The following TNRC6C variants were observed in gnomAD, a reference collection of about 807,000 sequenced individuals.
The protein encoded by TNRC6C is trinucleotide repeat-containing gene 6C protein.
TNRC6C carries 20 observed loss-of-function variants against 153.7 expected under a neutral mutation model. That is an observed-to-expected ratio of 0.13 (90% CI 0.09 to 0.19). The LOEUF is 0.19. Among genes scored for constraint, TNRC6C ranks in the 10% least tolerant of loss-of-function variants. The pLI is 1.00. For synonymous variants in TNRC6C, 811 were observed against 841.4 expected (o/e 0.96, Z 0.63); for missense variants, 1,987 against 2,172.0 (o/e 0.91, Z 1.69).
In TNRC6C at chr17:77,963,397, A is replaced by G. The variant is rs150265112; in HGVS notation, c.-38+4129A>G. 3.2e-3 allele frequency among the ~76,000 whole-genome samples: 488 copies of G among 152,332 alleles called. 2 individuals are homozygous for G. The highest frequency in any genetic ancestry group is 0.011 in the African/African-American group (475 of 41,560). ...AAAGTAAATTATGTAATTTTAAAAA[A>G]TCTCCACCTGGGATATATATAACAA... On this transcript the variant is annotated intron_variant, in intron 1 of 22. Coordinates refer to the TNRC6C transcript ENST00000636222.
intron 1 of TNRC6C, among the ~76,000 whole-genome samples, chr17:77,990,598 C>T (rs983371933): frequency 1.3e-5 from 2 of 152,142 alleles, no homozygotes; most frequent in African/African-American, 4.8e-5. Flanking sequence ...ACCTCCTGAC[C>T]AGCCAGAATC....
chr17:78,023,158 A>T (rs1472812526), intron 1 of TNRC6C, among the ~76,000 whole-genome samples: 5 of 152,188 alleles, frequency 3.3e-5, no homozygotes, highest in Non-Finnish European at 7.3e-5. Flanking sequence ...AACATAACGT[A>T]TGCGGGAGGA....
At chr17:78,072,281 C>T (rs1184713048) in intron 6 of TNRC6C, among the ~76,000 whole-genome samples, 1 of 152,178 alleles carries the variant, frequency 6.6e-6, no homozygotes, top group Non-Finnish European at 1.5e-5. Flanking sequence ...TTCAGTCATC[C>T]CCTGAGATTA....
intron 11 of TNRC6C, among the ~76,000 whole-genome samples, chr17:78,085,649 G>C (rs981228397): frequency 2.6e-5 from 4 of 152,144 alleles, no homozygotes; most frequent in African/African-American, 7.2e-5. Context: ...TGACAAGTTT[G>C]TGTGACAAAA....
At chr17:78,086,367 G>C (rs2073289929) in intron 11 of TNRC6C, 136 bp from the exon 14 acceptor site, 1 of 337,726 alleles carries the variant, frequency 3.0e-6, no homozygotes, top group Non-Finnish European at 5.8e-6. Context: ...AAAACAGTAT[G>C]TGTCAGCCAC....
At chr17:77,982,698 G>A (rs1031080299) in intron 1 of TNRC6C, among the ~76,000 whole-genome samples, 8 of 152,118 alleles carry the variant, frequency 5.3e-5, no homozygotes, top group African/African-American at 1.9e-4. Flanking sequence ...GGGTGTGGTG[G>A]CCCATGCCCA....
At chr17:78,056,813 A>G (rs1188073845) in intron 3 of TNRC6C, among the ~76,000 whole-genome samples, 2 of 140,036 alleles carry the variant, frequency 1.4e-5, no homozygotes, top group African/African-American at 2.6e-5. Flanking sequence ...TGGGAGCTTC[A>G]TGCTGAGAAA....
intron 1 of TNRC6C, among the ~76,000 whole-genome samples, chr17:78,008,015 A>G (rs1249987943): frequency 1.3e-5 from 2 of 152,206 alleles, no homozygotes; most frequent in Non-Finnish European, 2.9e-5. Context: ...ATGCTCATCT[A>G]TGATACTCCT....
chr17:78,030,971 C>T (rs536720022), intron 1 of TNRC6C, among the ~76,000 whole-genome samples: 36 of 152,150 alleles, frequency 2.4e-4, no homozygotes, highest in African/African-American at 6.3e-4. Flanking sequence ...TGGTGGCCTG[C>T]GCCTGTAATC....
chr17:77,976,949 A>C (rs892763691), intron 1 of TNRC6C, among the ~76,000 whole-genome samples: 2 of 150,738 alleles, frequency 1.3e-5, no homozygotes, highest in African/African-American at 2.4e-5. Flanking sequence ...AAAAAAAAAA[A>C]AAAAAAAAAA....
chr17:77,966,734 C>T (rs1023652573), intron 1 of TNRC6C, among the ~76,000 whole-genome samples: 2 of 152,112 alleles, frequency 1.3e-5, no homozygotes, highest in Non-Finnish European at 2.9e-5. Flanking sequence ...TAATAATAGA[C>T]GTCTGCTGTT....
At chr17:78,098,972 G>T (rs550416339) in intron 17 of TNRC6C, among the ~76,000 whole-genome samples, 2 of 152,140 alleles carry the variant, frequency 1.3e-5, no homozygotes, top group Non-Finnish European at 2.9e-5. Flanking sequence ...GGGACGTAAG[G>T]CTTTTGCAGG....
chr17:78,012,813 G>A (rs1475465337), intron 1 of TNRC6C, among the ~76,000 whole-genome samples: 1 of 152,224 alleles, frequency 6.6e-6, no homozygotes, highest in Non-Finnish European at 1.5e-5. Flanking sequence ...GGTCAGTGAA[G>A]TTGGTTGTGA....
Position 78,073,545 on chromosome 17 carries a change from G to C in TNRC6C, c.2917+451G>C, listed in dbSNP as rs552627460. Among the ~76,000 whole-genome samples, 8 of 152,264 alleles carry C rather than the reference G, an allele frequency of 5.3e-5. No homozygotes were observed. In the East Asian group the frequency reaches 1.5e-3, roughly 29 times the overall value. On this transcript the variant is annotated intron_variant, in intron 7 of 19. Coordinates refer to ENST00000301624, the Ensembl canonical transcript of TNRC6C. ...AGGAACAAGCAACCCTAGTTCTAGAGCTGCTTTAATAATAATGTTAAATAT... is the reference window on the plus strand; with the variant it reads ...AGGAACAAGCAACCCTAGTTCTAGACCTGCTTTAATAATAATGTTAAATAT...
intron 2 of TNRC6C, chr17:78,040,957 G>A (rs1363764989): frequency 1.3e-5 from 2 of 152,104 alleles, no homozygotes; most frequent in Non-Finnish European, 2.9e-5. Context: ...CTGGCCCCGG[G>A]AGCTTCCTGG....
intron 1 of TNRC6C, among the ~76,000 whole-genome samples, chr17:77,968,655 A>G (rs1352878840): frequency 6.6e-6 from 1 of 152,206 alleles, no homozygotes; most frequent in Non-Finnish European, 1.5e-5. Flanking sequence ...AGATGTAGTT[A>G]TTTAAATAGC....
chr17:78,039,645 G>T (rs543729232), intron 2 of TNRC6C, among the ~76,000 whole-genome samples: 1 of 152,322 alleles, frequency 6.6e-6, no homozygotes, highest in South Asian at 2.1e-4. Flanking sequence ...TGCTGTGGCT[G>T]TTGTCAGGCA....
At chr17:77,991,100 G>A (rs1420011817) in intron 1 of TNRC6C, among the ~76,000 whole-genome samples, 1 of 152,214 alleles carries the variant, frequency 6.6e-6, no homozygotes, top group East Asian at 1.9e-4. Context: ...TACCAGGGAT[G>A]TATGTTGCTC....
At chr17:78,058,321 A>G (rs2072699555) in intron 3 of TNRC6C, among the ~76,000 whole-genome samples, 1 of 152,240 alleles carries the variant, frequency 6.6e-6, no homozygotes, top group African/African-American at 2.4e-5. Flanking sequence ...ATACTCAGCA[A>G]CATGATTACC....
Sources: gnomAD v4.1 joint callset for allele counts (sites outside exome capture counted in the v4.1 genomes callset) on GRCh38, gnomAD v4.1.1 for gene constraint, MANE v1.5 for transcripts, NCBI Gene and HGNC (gene_info 2026-07-23, HGNC 2026-07-21) for gene names.